Variants in SLC35B2 observed in about 807,000 individuals in gnomAD.
SLC35B2 encodes adenosine 3'-phospho 5'-phosphosulfate transporter 1.
SLC35B2 carries 19 observed loss-of-function variants against 37.9 expected under a neutral mutation model. That is an observed-to-expected ratio of 0.50 (90% CI 0.35 to 0.74). The LOEUF (loss-of-function observed/expected upper bound fraction) is 0.74, where lower values mean the gene tolerates loss of function less well. Ranked by LOEUF, SLC35B2 falls within the 30% of genes least tolerant of loss-of-function variation. SLC35B2 has a pLI of 0.01. For missense variants in SLC35B2, 633 were observed against 547.6 expected (o/e 1.16, Z -1.56); for synonymous variants, 277 against 225.2 (o/e 1.23, Z -2.06).
rs1221216878 is a variant in SLC35B2 at position 44,254,541 on chromosome 6, G to A, written c.*165C>T. The A allele has an allele frequency of 1.8e-5, 14 of 772,010 alleles. No homozygotes were observed. The South Asian group carries it at 2.3e-4, about 13-fold the overall frequency. The allele number at this position is 772,010 out of a possible 1,614,324, so 47.8% of individuals were successfully genotyped here. A position where few individuals can be genotyped will look rare whatever the true frequency, so the allele number is the denominator to read the frequency against. ...GGAAGATGGGTGACTTAAGGCAAAA[G>A]GGAAGGCTGCCTCCTGGGCTCCCCA... On this transcript the variant is annotated 3_prime_UTR_variant, in exon 4 of 4. Coordinates refer to ENST00000393812, the MANE Select transcript of SLC35B2 (RefSeq NM_178148.4).
Position 44,255,647 on chromosome 6 carries a change from G to C in SLC35B2, c.361-3C>G. On this transcript the variant is annotated splice_region_variant and splice_polypyrimidine_tract_variant and intron_variant, in intron 3 of 3. Coordinates refer to ENST00000393812, the MANE Select transcript of SLC35B2 (RefSeq NM_178148.4). Reference sequence around the variant, plus strand: ...ACACCCCAAGTCAGATAAGACACCTGTTGGGGAAGGTAGAGACAAAGGAGA... The same window carrying C: ...ACACCCCAAGTCAGATAAGACACCTCTTGGGGAAGGTAGAGACAAAGGAGA... The C allele has an allele frequency of 1.2e-6, 2 of 1,607,384 alleles. No individual in the cohort carries two copies. Among genetic ancestry groups the C allele is most frequent in the Non-Finnish European group, 1.7e-6 (2 of 1,176,212 alleles).
chr6:44,257,703 G>A, upstream of SLC35B2: 1 of 164,956 alleles, frequency 6.1e-6, no homozygotes, highest in Non-Finnish European at 1.3e-5. Context: ...CTGAAGAGGC[G>A]CCCGCCCGGC....
intron 1 of SLC35B2, chr6:44,257,182 C>G: frequency 1.9e-6 from 1 of 525,690 alleles, no homozygotes. Context: ...CCACACTCCC[C>G]TCCACGATCC....
intron 3 of SLC35B2, 107 bp downstream of exon 3, chr6:44,256,233 CGA>C: frequency 4.9e-6 from 7 of 1,430,252 alleles, no homozygotes; most frequent in Non-Finnish European, 6.6e-6. Context: ...GAGGAGGACA[CGA>C]AACACACCAG....
chr6:44,257,575 C>G, upstream of SLC35B2: 1 of 550,666 alleles, frequency 1.8e-6, no homozygotes, highest in Non-Finnish European at 2.5e-6. Flanking sequence ...CCGCCCCTGC[C>G]GCGACCACGC....
rs1781695533 is a variant in SLC35B2, at chr6:44,257,468, GC to G, written c.-59del. 1.6e-6 allele frequency: 2 copies of G among 1,238,910 alleles called. No individual in the cohort carries two copies. Among genetic ancestry groups the G allele is most frequent in the Non-Finnish European group, 2.0e-6 (2 of 984,314 alleles). The allele number at this position is 1,238,910 out of a possible 1,614,324, so 76.7% of individuals were successfully genotyped here. On this transcript the variant is annotated 5_prime_UTR_variant, in exon 1 of 4. Coordinates refer to ENST00000393812, the MANE Select transcript of SLC35B2 (RefSeq NM_178148.4). ...GGGAATGCGAGTCCCCGGGCCGCGC[GC>G]CCCCTGCGCTCCCGCCGCCGCCTCC...
chr6:44,255,001 C>G lies in SLC35B2; in HGVS notation c.1004G>C (p.Ser335Thr). 6.2e-7 allele frequency: 1 copy of G among 1,614,230 alleles called. No homozygotes were observed. The highest frequency in any genetic ancestry group is 1.7e-5 in the Admixed American group (1 of 60,032). The part of the protein sequence containing the change: ...LEGTRFMGRH[S>T]EFAAHALLLS... ...TAGCAGGGCATGGGCAGCAAACTCACTGTGTCGCCCCATGAAGCGGGTTCC... is the reference window on the plus strand; with the variant it reads ...TAGCAGGGCATGGGCAGCAAACTCAGTGTGTCGCCCCATGAAGCGGGTTCC... The change falls in exon 4 of 4, where the codon AGT becomes ACT. Residue 335 changes from serine (S) to threonine (T), a missense_variant. Ser to Thr is a moderately conservative substitution (Grantham distance 58). Coordinates refer to ENST00000393812, the MANE Select transcript of SLC35B2 (RefSeq NM_178148.4).
chr6:44,257,273 C>T (rs1054740461), intron 1 of SLC35B2, 127 bp downstream of exon 1: 5 of 1,114,852 alleles, frequency 4.5e-6, no homozygotes, highest in Middle Eastern at 3.2e-4. Context: ...TCCCCGCTGG[C>T]TCCGGGCAGC....
chr6:44,257,345 A>G, intron 1 of SLC35B2, 55 bp downstream of exon 1: 2 of 1,323,976 alleles, frequency 1.5e-6, no homozygotes, highest in Non-Finnish European at 9.7e-7. Flanking sequence ...GAGGCGCGGC[A>G]GTCACGTGGC....
rs1298887325 is a variant in SLC35B2, at chr6:44,255,527, G to A, written c.478C>T (p.Arg160Ter). Residue 160 changes from arginine (R) to a stop codon, truncating the protein, a stop_gained, in exon 4 of 4, where the codon CGA becomes TGA. Transcript: ENST00000393812. LOFTEE classifies it high-confidence loss of function. ...CCAGCCACAATCAGTGCCAGCACTC[G>A]GTTCATTAGCACCAGGAACTGCGAG... Reference protein sequence around the residue: ...TDSQFLVLMNRVLALIVAGLS... With the variant: ...TDSQFLVLMN 1 of 1,614,200 alleles carries A rather than the reference G, an allele frequency of 6.2e-7. No individual in the cohort carries two copies. Among genetic ancestry groups the A allele is most frequent in the Non-Finnish European group, 8.5e-7 (1 of 1,180,036 alleles).
intron 3 of SLC35B2, 66 bp from the exon 4 acceptor site, chr6:44,255,710 CCTCT>C (rs754136341): frequency 6.9e-5 from 100 of 1,455,050 alleles, no homozygotes; most frequent in Non-Finnish European, 8.6e-5. Context: ...CAAAAATTGA[CCTCT>C]CTCTCTTCAG....
chr6:44,255,026 C>T lies in SLC35B2; in HGVS notation c.979G>A (p.Gly327Arg). The change falls in exon 4 of 4, where the codon GGA (glycine) becomes AGA (arginine). Residue 327 changes from glycine to arginine, a missense_variant. Physicochemically the swap from Gly to Arg is moderately radical, Grantham distance 125. Coordinates refer to ENST00000393812, the MANE Select transcript of SLC35B2 (RefSeq NM_178148.4). ...SLLEQGALLE[G>R]TRFMGRHSEF... The stretch of plus-strand genomic sequence containing the variant: ...CTGTGTCGCCCCATGAAGCGGGTTC[C>T]CTCCAGTAGGGCCCCCTGTTCTAGC... The T allele has an allele frequency of 1.9e-6, 3 of 1,614,210 alleles. No homozygotes were observed. Among genetic ancestry groups the T allele is most frequent in the Non-Finnish European group, 2.5e-6 (3 of 1,180,026 alleles).
chr6:44,257,123 TC>T (rs1458284500), intron 1 of SLC35B2: 2 of 565,156 alleles, frequency 3.5e-6, no homozygotes, highest in Non-Finnish European at 5.9e-6. Flanking sequence ...TCTCCTCTGT[TC>T]CCTCCAACGC....
chr6:44,256,675 C>A lies in SLC35B2; in HGVS notation c.205+10G>T. 6.2e-7 allele frequency: 1 copy of A among 1,614,034 alleles called. No individual in the cohort carries two copies. The highest frequency in any genetic ancestry group is 8.5e-7 in the Non-Finnish European group (1 of 1,179,974). On this transcript the variant is annotated intron_variant, in intron 2 of 3. Coordinates refer to ENST00000393812, the MANE Select transcript of SLC35B2 (RefSeq NM_178148.4). Reference sequence around the variant, plus strand: ...GACCTAGCTCACTTCCCCGCCCTTTCTTCACACACCGGTCTCCAGGTAGTT... The same window carrying A: ...GACCTAGCTCACTTCCCCGCCCTTTATTCACACACCGGTCTCCAGGTAGTT...
In SLC35B2 at chr6:44,254,626, G is replaced by C. The variant is rs1037654838; in HGVS notation, c.*80C>G. ...AAAACACCTGCATTTTGCCCTTTCA[G>C]CCAGCTCCCTCAGAGGTTACAGCAG... On this transcript the variant is annotated 3_prime_UTR_variant, in exon 4 of 4. Transcript: ENST00000393812. 9.5e-6 allele frequency: 14 copies of C among 1,477,174 alleles called. No individual in the cohort carries two copies. Among genetic ancestry groups the C allele is most frequent in the Non-Finnish European group, 1.3e-5 (14 of 1,098,472 alleles). 91.5% of individuals were successfully genotyped at this position (1,477,174 alleles called of 1,614,324 possible). A position where few individuals can be genotyped will look rare whatever the true frequency, so the allele number is the denominator to read the frequency against.
chr6:44,257,094 G>A (rs1189132132), intron 1 of SLC35B2: 8 of 618,014 alleles, frequency 1.3e-5, no homozygotes, highest in Non-Finnish European at 2.2e-5. Flanking sequence ...GGGCGGATCC[G>A]CCCCTCTGGC....
In SLC35B2 at chr6:44,257,514, G is replaced by C. The variant is rs1583005709; in HGVS notation, c.-104C>G. The C allele has an allele frequency of 3.5e-6, 4 of 1,140,056 alleles. No individual in the cohort carries two copies. The highest frequency in any genetic ancestry group is 4.4e-6 in the Non-Finnish European group (4 of 902,258). 70.6% of individuals were successfully genotyped at this position (1,140,056 alleles called of 1,614,324 possible). A position where few individuals can be genotyped will look rare whatever the true frequency, so the allele number is the denominator to read the frequency against. ...GCCTCCAGGAGCGGCCAGCGAGCCA[G>C]CGGCCAGCGGAAGTGCCGCGCTCTT... On this transcript the variant is annotated 5_prime_UTR_variant, in exon 1 of 4. Coordinates refer to ENST00000393812, the MANE Select transcript of SLC35B2 (RefSeq NM_178148.4).
chr6:44,254,832 A>G lies in SLC35B2; in HGVS notation c.1173T>C (p.Thr391=), dbSNP rs748829958. Residue 391 remains threonine, a synonymous_variant, in exon 4 of 4, where the codon ACT becomes ACC. Transcript: ENST00000393812. ...CAGCCACCCCCAGCCCTCCCACCAC[A>G]GTGACAGTGTGGCCATAGAGAAGGC... The part of the protein sequence containing the change: ...LSCLLYGHTV[T]VVGGLGVAVV... 1 of 1,614,164 alleles carries G rather than the reference A, an allele frequency of 6.2e-7. No homozygotes were observed. The highest frequency in any genetic ancestry group is 8.5e-7 in the Non-Finnish European group (1 of 1,180,028).
Position 44,254,757 on chromosome 6 carries a change from C to G in SLC35B2, c.1248G>C (p.Lys416Asn). Residue 416 changes from lysine (K) to asparagine (N), a missense_variant, in exon 4 of 4, where the codon AAG (lysine) becomes AAC (asparagine). Physicochemically the swap from Lys to Asn is moderately conservative, Grantham distance 94 (BLOSUM62 0). Coordinates refer to ENST00000393812, the MANE Select transcript of SLC35B2 (RefSeq NM_178148.4). ...CAGGCACAGCCTTCTTTCCCCGTTG[C>G]TTTAGACGGCCCCGCGCGTAGACTC... is the stretch of plus-strand genomic sequence containing the variant. ...LLRVYARGRL[K>N]QRGKKAVPVE... The G allele has an allele frequency of 6.2e-7, 1 of 1,614,130 alleles. No homozygotes were observed. The highest frequency in any genetic ancestry group is 8.5e-7 in the Non-Finnish European group (1 of 1,180,008).
Sources: gnomAD v4.1 joint callset for allele counts on GRCh38, gnomAD v4.1.1 for gene constraint, MANE v1.5 for transcripts, NCBI Gene and HGNC (gene_info 2026-07-23, HGNC 2026-07-21) for gene names.